The following BCAR1 variants were observed in gnomAD, a reference collection of about 807,000 sequenced individuals.
BCAR1 encodes BCAR1 scaffold protein, Cas family member.
BCAR1 carries 30 observed loss-of-function variants against 67.6 expected under a neutral mutation model. That is an observed-to-expected ratio of 0.44 (90% confidence interval 0.33 to 0.60). The LOEUF (loss-of-function observed/expected upper bound fraction) is 0.60. Among genes scored for constraint, BCAR1 ranks in the 20% least tolerant of loss-of-function variants. The probability of loss-of-function intolerance (pLI) is 0.02; values close to 1 mark genes in which losing one functional copy is unlikely to be tolerated. For missense variants in BCAR1, 1,313 were observed against 1,222.3 expected (o/e 1.07, Z -1.11); for synonymous variants, 626 against 556.7 (o/e 1.12, Z -1.75).
rs916276934 is a variant in BCAR1, at chr16:75,264,285, T to C, written c.66+3630A>G. ...ACCAAATCAAACGGGGACCTCCCCA[T>C]AGAGGCCCGCCCAGGCTGGGATGTG... is the stretch of plus-strand genomic sequence containing the variant. On this transcript the variant is annotated intron_variant, in intron 1 of 6. Coordinates refer to the BCAR1 transcript ENST00000393422. The C allele has an allele frequency of 3.6e-6, 5 of 1,397,214 alleles. No individual in the cohort carries two copies. The South Asian group carries it at 4.9e-5, about 14-fold the overall frequency. 86.6% of individuals were successfully genotyped at this position (1,397,214 alleles called of 1,614,324 possible).
chr16:75,252,252 C>A (rs2077697909), upstream of BCAR1: 2 of 1,536,694 alleles, frequency 1.3e-6, no homozygotes, highest in Non-Finnish European at 1.7e-6. Context: ...TGCATTGTGC[C>A]GACATCTGGG....
intron 5 of BCAR1, 109 bp from the exon 6 acceptor site, chr16:75,234,044 T>C: frequency 9.7e-7 from 1 of 1,027,994 alleles, no homozygotes; most frequent in African/African-American, 1.6e-5. Context: ...TGGTGCTGCG[T>C]GTGCGCGCAC....
rs957344732 is a variant in BCAR1, at chr16:75,229,268, G to A, written c.*243C>T. On this transcript the variant is annotated 3_prime_UTR_variant, in exon 7 of 7. Coordinates refer to ENST00000162330, the MANE Select transcript of BCAR1 (RefSeq NM_014567.5). ...CCAGCCCCGTCTGGTGACCCAACCCGGGCCCGTGGTGCATGCTGGGGAAGG... is the reference window on the plus strand; with the variant it reads ...CCAGCCCCGTCTGGTGACCCAACCCAGGCCCGTGGTGCATGCTGGGGAAGG... 22 of 556,706 alleles carry A rather than the reference G, an allele frequency of 4.0e-5. No individual in the cohort carries two copies. The South Asian group carries it at 4.2e-4, about 11-fold the overall frequency. The allele number at this position is 556,706 out of a possible 1,614,324, so 34.5% of individuals were successfully genotyped here. A position where few individuals can be genotyped will look rare whatever the true frequency, so the allele number is the denominator to read the frequency against.
chr16:75,253,378 GC>G (rs2077715113), upstream of BCAR1, among the ~76,000 whole-genome samples: 1 of 152,194 alleles, frequency 6.6e-6, no homozygotes, highest in South Asian at 2.1e-4. Flanking sequence ...TGCTGGCAGG[GC>G]CCCAGGCAGC....
At chr16:75,231,084 T>C (rs889632915) in intron 6 of BCAR1, among the ~76,000 whole-genome samples, 4 of 151,120 alleles carry the variant, frequency 2.6e-5, no homozygotes, top group East Asian at 1.9e-4. Flanking sequence ...TCTTGATCTG[T>C]CACCCAGGCT....
intron 1 of BCAR1, chr16:75,247,895 G>A (rs2077566049): frequency 1.4e-6 from 1 of 691,654 alleles, no homozygotes; most frequent in Non-Finnish European, 2.6e-6. Flanking sequence ...CAAGACCCCA[G>A]GGTTGGGGGC....
At chr16:75,237,923 T>G (rs1417694578) in intron 2 of BCAR1, among the ~76,000 whole-genome samples, 3 of 152,026 alleles carry the variant, frequency 2.0e-5, no homozygotes, top group Non-Finnish European at 2.9e-5. Flanking sequence ...GAGGGGCAGG[T>G]TGGGTGTGTG....
upstream of BCAR1, chr16:75,252,436 G>A: frequency 7.0e-7 from 1 of 1,438,634 alleles, no homozygotes; most frequent in Non-Finnish European, 9.1e-7. Context: ...GAATCACTCG[G>A]GGGAAACCGA....
At chr16:75,238,268 T>C in intron 2 of BCAR1, 1 of 1,161,890 alleles carries the variant, frequency 8.6e-7, no homozygotes, top group Non-Finnish European at 1.1e-6. Flanking sequence ...AAGGCCTCCC[T>C]GGTGGGATTC....
At chr16:75,241,779 A>G (rs536556593) in intron 2 of BCAR1, among the ~76,000 whole-genome samples, 1 of 152,294 alleles carries the variant, frequency 6.6e-6, no homozygotes, top group East Asian at 1.9e-4. Context: ...CTGAGTGTCT[A>G]GTGCTGACTC....
At chr16:75,243,927 G>A (rs1298221453) in intron 1 of BCAR1, among the ~76,000 whole-genome samples, 1 of 152,272 alleles carries the variant, frequency 6.6e-6, no homozygotes, top group Non-Finnish European at 1.5e-5. Flanking sequence ...TGGGCCCAGA[G>A]AGACAGAGGA....
intron 2 of BCAR1, among the ~76,000 whole-genome samples, chr16:75,241,061 T>C (rs186892983): frequency 6.6e-6 from 1 of 152,348 alleles, no homozygotes; most frequent in East Asian, 1.9e-4. Context: ...GTGTGGACTG[T>C]GTGTGCGTGT....
At chr16:75,231,583 T>C (rs570280460) in intron 6 of BCAR1, among the ~76,000 whole-genome samples, 2 of 152,358 alleles carry the variant, frequency 1.3e-5, no homozygotes, top group South Asian at 4.1e-4. Flanking sequence ...TTTATGTCCT[T>C]GGCCTTGGAA....
At chr16:75,232,588 C>A (rs1719686376) in intron 6 of BCAR1, among the ~76,000 whole-genome samples, 1 of 152,140 alleles carries the variant, frequency 6.6e-6, no homozygotes, top group African/African-American at 2.4e-5. Context: ...GACATTTATT[C>A]TTTTCTTGGG....
chr16:75,263,931 G>A (rs2077955066), intron 1 of BCAR1: 2 of 1,093,734 alleles, frequency 1.8e-6, no homozygotes, highest in Non-Finnish European at 2.2e-6. Flanking sequence ...CACTGCCCAA[G>A]GTCCCAGGAG....
At chr16:75,237,513 C>T (rs1425085224) in intron 2 of BCAR1, 169 bp from the exon 3 acceptor site, 1 of 789,792 alleles carries the variant, frequency 1.3e-6, no homozygotes, top group Non-Finnish European at 1.8e-6. Flanking sequence ...ATCTGACCTT[C>T]CTCTAGCAGA....
At position 75,237,163 on chromosome 16, in the gene BCAR1, G is replaced by C. The variant is rs778546191; in HGVS notation, c.795+20C>G. On this transcript the variant is annotated intron_variant, in intron 3 of 6. Coordinates refer to ENST00000162330, the MANE Select transcript of BCAR1 (RefSeq NM_014567.5). Reference sequence around the variant, plus strand: ...AGACTTGCCGCCCTGCCCTCCCACCGCTGCGCACCCCACACCTACCTCCTG... The same window carrying C: ...AGACTTGCCGCCCTGCCCTCCCACCCCTGCGCACCCCACACCTACCTCCTG... 5.9e-6 allele frequency: 9 copies of C among 1,534,608 alleles called. No homozygotes were observed. In the African/African-American group the frequency reaches 1.1e-4, roughly 19 times the overall value.
intron 1 of BCAR1, chr16:75,249,326 C>G (rs1306029352): frequency 1.3e-5 from 2 of 152,242 alleles, no homozygotes; most frequent in African/African-American, 2.4e-5. Flanking sequence ...CCCCTCCACC[C>G]TACTTCTGCC....
chr16:75,262,927 G>A (rs946528586), intron 1 of BCAR1, among the ~76,000 whole-genome samples: 1 of 152,200 alleles, frequency 6.6e-6, no homozygotes, highest in Non-Finnish European at 1.5e-5. Context: ...GCTGTCCACC[G>A]CTCAACAGGC....
Sources: gnomAD v4.1 joint callset for allele counts (sites outside exome capture counted in the v4.1 genomes callset) on GRCh38, gnomAD v4.1.1 for gene constraint, MANE v1.5 for transcripts, NCBI Gene and HGNC (gene_info 2026-07-23, HGNC 2026-07-21) for gene names.